RALB: variants seen among roughly 807,000 people sequenced by gnomAD.
RALB encodes RAS like proto-oncogene B.
Under a neutral mutation model 21.3 loss-of-function variants are expected in RALB, and 16 were observed. The observed-to-expected ratio is 0.75, with a 90% confidence interval of 0.51 to 1.14. RALB has a LOEUF of 1.14. Ranked by LOEUF, RALB falls within the 50% of genes most tolerant of loss-of-function variation. RALB has a pLI of 0.00. For synonymous variants in RALB, 93 were observed against 96.1 expected (o/e 0.97, Z 0.19); for missense variants, 161 against 256.2 (o/e 0.63, Z 2.54).
intron 1 of RALB, chr2:120,253,616 G>A: frequency 1.0e-6 from 1 of 985,508 alleles, no homozygotes; most frequent in South Asian, 4.7e-5. Context: ...GGTTAACCGT[G>A]CTCGGTGCAG....
At chr2:120,258,484 C>G (rs1254048495) in intron 1 of RALB, among the ~76,000 whole-genome samples, 1 of 152,176 alleles carries the variant, frequency 6.6e-6, no homozygotes, top group East Asian at 1.9e-4. Context: ...GCCACGGAGG[C>G]CACGGCCAGT....
At chr2:120,293,076 A>G (rs1690344814) in intron 4 of RALB, 65 bp from the exon 5 acceptor site, 8 of 1,497,846 alleles carry the variant, frequency 5.3e-6, no homozygotes, top group Non-Finnish European at 7.1e-6. Flanking sequence ...AGGTTAACAA[A>G]AGAAAAAAAT....
chr2:120,285,827 G>T (rs4091515), intron 2 of RALB, 47 bp from the exon 3 acceptor site: 1 of 1,546,438 alleles, frequency 6.5e-7, no homozygotes, highest in South Asian at 1.1e-5. Context: ...GGCAGATTTT[G>T]TTCCCCTTAA....
intron 1 of RALB, chr2:120,240,170 G>A: frequency 7.8e-7 from 1 of 1,288,980 alleles, no homozygotes. Flanking sequence ...AAGCCCCACA[G>A]TGACCTTGTG....
intron 1 of RALB, among the ~76,000 whole-genome samples, chr2:120,255,132 C>T (rs929500914): frequency 2.6e-5 from 4 of 152,130 alleles, no homozygotes; most frequent in East Asian, 1.9e-4. Context: ...GACTAGAGTG[C>T]GAAGAGATCT....
chr2:120,279,130 G>A (rs912665979), intron 2 of RALB, among the ~76,000 whole-genome samples: 6 of 152,190 alleles, frequency 3.9e-5, no homozygotes, highest in Non-Finnish European at 5.9e-5. Context: ...TCAGTCAATC[G>A]CGAAGTGAAA....
At chr2:120,282,134 A>G (rs1001556184) in intron 2 of RALB, among the ~76,000 whole-genome samples, 2 of 152,142 alleles carry the variant, frequency 1.3e-5, no homozygotes, top group African/African-American at 4.8e-5. Flanking sequence ...ATTCCCCTAC[A>G]GTGTTAGTGA....
chr2:120,287,044 C>CT (rs1413976599), intron 3 of RALB, among the ~76,000 whole-genome samples: 1 of 152,154 alleles, frequency 6.6e-6, no homozygotes, highest in East Asian at 1.9e-4. Flanking sequence ...ATCTAGATGA[C>CT]TTTTTAAGAA....
chr2:120,259,028 C>T (rs1244941100), intron 1 of RALB, among the ~76,000 whole-genome samples: 4 of 151,710 alleles, frequency 2.6e-5, no homozygotes, highest in Non-Finnish European at 4.4e-5. Flanking sequence ...CTTAAGGTAG[C>T]GCGTCTGGAG....
chr2:120,261,178 C>T (rs539234251), intron 1 of RALB, among the ~76,000 whole-genome samples: 1 of 152,262 alleles, frequency 6.6e-6, no homozygotes, highest in Non-Finnish European at 1.5e-5. Context: ...GGCACACACG[C>T]ATGTGTGAAT....
chr2:120,285,217 C>G (rs1487262990), intron 2 of RALB, among the ~76,000 whole-genome samples: 7 of 152,128 alleles, frequency 4.6e-5, no homozygotes, highest in Admixed American at 4.6e-4. Context: ...CTTATGAAAC[C>G]ATCAGGTCCT....
chr2:120,287,110 T>A (rs573406081), intron 3 of RALB, among the ~76,000 whole-genome samples: 1 of 152,202 alleles, frequency 6.6e-6, no homozygotes, highest in South Asian at 2.1e-4. Context: ...ATCAAATCAG[T>A]TTTTTTCATT....
chr2:120,282,309 T>A (rs1690008055), intron 2 of RALB, among the ~76,000 whole-genome samples: 1 of 151,902 alleles, frequency 6.6e-6, no homozygotes, highest in Non-Finnish European at 1.5e-5. Flanking sequence ...AGAAAACCCA[T>A]CTCTACTAAA....
Position 120,278,639 on chromosome 2 carries a change from T to C in RALB, c.-26T>C. Reference sequence around the variant, plus strand: ...GCAGCTCTTCAGTGGGTCATCTGTGTGTCACAGCCTCAGAAGACCAGCGAG... The same window carrying C: ...GCAGCTCTTCAGTGGGTCATCTGTGCGTCACAGCCTCAGAAGACCAGCGAG... On this transcript the variant is annotated 5_prime_UTR_variant, in exon 2 of 5. Coordinates refer to ENST00000272519, the MANE Select transcript of RALB (RefSeq NM_002881.3). 1 of 1,566,126 alleles carries C rather than the reference T, an allele frequency of 6.4e-7. No homozygotes were observed. Among genetic ancestry groups the C allele is most frequent in the Non-Finnish European group, 8.7e-7 (1 of 1,155,342 alleles).
In RALB at chr2:120,293,726, TAAGA is replaced by T. The variant is rs1477128643; in HGVS notation, c.*468_*471del. ...GTACTGAGAAAAATCCCTTCAGCTC[TAAGA>T]ACACTGAAAAATCCACCGATTTTTT... is the stretch of plus-strand genomic sequence containing the variant. On this transcript the variant is annotated 3_prime_UTR_variant, in exon 5 of 5. Coordinates refer to ENST00000272519, the MANE Select transcript of RALB (RefSeq NM_002881.3). 1 of 161,514 alleles carries T rather than the reference TAAGA, an allele frequency of 6.2e-6. No homozygotes were observed. Among genetic ancestry groups the T allele is most frequent in the African/African-American group, 2.4e-5 (1 of 41,962 alleles). The allele number at this position is 161,514 out of a possible 1,614,324, so 10.0% of individuals were successfully genotyped here.
intron 4 of RALB, 100 bp downstream of exon 4, chr2:120,289,857 A>G: frequency 8.9e-7 from 1 of 1,129,614 alleles, no homozygotes; most frequent in Non-Finnish European, 1.2e-6. Flanking sequence ...TATGAAAACT[A>G]GGTGAAGATT....
chr2:120,260,961 A>T (rs11893187), intron 1 of RALB, among the ~76,000 whole-genome samples: 3 of 151,994 alleles, frequency 2.0e-5, no homozygotes, highest in African/African-American at 7.2e-5. Context: ...CTTTTGCTAC[A>T]CAGTGTGGGG....
At chr2:120,246,470 G>A (rs533282957) in intron 1 of RALB, among the ~76,000 whole-genome samples, 1 of 152,328 alleles carries the variant, frequency 6.6e-6, no homozygotes, top group South Asian at 2.1e-4. Context: ...TTGCTGTGAG[G>A]GGCCAGGAGA....
intron 3 of RALB, among the ~76,000 whole-genome samples, chr2:120,287,500 A>G (rs1173823299): frequency 6.6e-6 from 1 of 152,216 alleles, no homozygotes; most frequent in Non-Finnish European, 1.5e-5. Context: ...TTAATGCCTC[A>G]TAGAGGGTAA....
Sources: allele counts gnomAD v4.1 joint callset (sites outside exome capture counted in the v4.1 genomes callset), GRCh38; gene constraint gnomAD v4.1.1; transcripts MANE v1.5; gene names NCBI Gene and HGNC (gene_info 2026-07-23, HGNC 2026-07-21).